Variants in MCTP2 observed in about 807,000 individuals in gnomAD.
MCTP2 encodes multiple C2 and transmembrane domain-containing protein 2.
A neutral mutation model predicts 111.6 loss-of-function variants in MCTP2; 132 were observed. The observed-to-expected ratio is 1.18, with a 90% CI of 1.03 to 1.37. The LOEUF (loss-of-function observed/expected upper bound fraction) is 1.37, where lower values mean the gene tolerates loss of function less well. Ranked by LOEUF, MCTP2 falls within the 40% of genes most tolerant of loss-of-function variation. The pLI, the probability that MCTP2 is intolerant of heterozygous loss-of-function variation, is 0.00. For missense variants in MCTP2, 1,183 were observed against 1,067.9 expected (o/e 1.11, Z -1.50); for synonymous variants, 395 against 387.7 (o/e 1.02, Z -0.22).
chr15:94,278,078 G>A (rs1345133135), intron 1 of MCTP2: 2 of 152,098 alleles, frequency 1.3e-5, no homozygotes, highest in East Asian at 3.8e-4. Context: ...ATATCATGAA[G>A]CTGTCAAATG....
chr15:94,350,342 CT>C (rs2078237283), intron 8 of MCTP2, among the ~76,000 whole-genome samples: 1 of 152,154 alleles, frequency 6.6e-6, no homozygotes, highest in African/African-American at 2.4e-5. Flanking sequence ...AATCCCAGCA[CT>C]TTGGGAGGCC....
chr15:94,474,820 G>T (rs1278842244), intron 21 of MCTP2, among the ~76,000 whole-genome samples: 1 of 151,894 alleles, frequency 6.6e-6, no homozygotes, highest in Non-Finnish European at 1.5e-5. Flanking sequence ...GTGTGCATTT[G>T]AAACATGCAA....
chr15:94,255,379 G>C (rs1455759), intron 1 of MCTP2, among the ~76,000 whole-genome samples: 64,608 of 152,034 alleles, frequency 0.42, 14,070 homozygotes, highest in Middle Eastern at 0.57. Context: ...TCTAGAGAGA[G>C]GGTTTTATTC....
intron 17 of MCTP2, among the ~76,000 whole-genome samples, chr15:94,403,764 G>A (rs146940094): frequency 1.3e-5 from 2 of 152,144 alleles, no homozygotes; most frequent in East Asian, 1.9e-4. Context: ...AGCAGAGCCC[G>A]CCCCCACGCT....
intron 12 of MCTP2, among the ~76,000 whole-genome samples, chr15:94,375,866 C>A (rs987724880): frequency 7.9e-5 from 12 of 152,194 alleles, no homozygotes; most frequent in African/African-American, 2.7e-4. Flanking sequence ...CATTTAATTA[C>A]AGAACCACTG....
At chr15:94,430,401 A>T (rs1017599788) in intron 17 of MCTP2, among the ~76,000 whole-genome samples, 12 of 118,828 alleles carry the variant, frequency 1.0e-4, no homozygotes, top group South Asian at 5.5e-4. Flanking sequence ...AATCACACAC[A>T]CACACACACA....
At chr15:94,270,503 G>C (rs980061157) in intron 1 of MCTP2, among the ~76,000 whole-genome samples, 2 of 152,080 alleles carry the variant, frequency 1.3e-5, no homozygotes, top group African/African-American at 2.4e-5. Flanking sequence ...GGCCTACATG[G>C]ACCTGTCCAA....
At chr15:94,311,636 C>G (rs1338983032) in intron 2 of MCTP2, among the ~76,000 whole-genome samples, 1 of 152,118 alleles carries the variant, frequency 6.6e-6, no homozygotes, top group Non-Finnish European at 1.5e-5. Flanking sequence ...TGGTGTGTGA[C>G]AGTTACGGTG....
In MCTP2 at chr15:94,327,206, A is replaced by G. The variant is rs149125716; in HGVS notation, c.637+11569A>G. ...TTCACCTACATTTCTTCTCTTTTCT[A>G]TCTAGTTTTACATTTTTTCATTTAT... is the stretch of plus-strand genomic sequence containing the variant. On this transcript the variant is annotated intron_variant, in intron 4 of 22. Transcript: ENST00000357742. Among the ~76,000 whole-genome samples the G allele has an allele frequency of 1.1e-4, 17 of 152,124 alleles. No individual in the cohort carries two copies. In the East Asian group the frequency reaches 1.5e-3, roughly 14 times the overall value.
chr15:94,297,480 C>T (rs541929864), intron 1 of MCTP2, among the ~76,000 whole-genome samples: 1 of 152,076 alleles, frequency 6.6e-6, no homozygotes. Context: ...ATGTGTTTTG[C>T]TCTAATCACC....
At chr15:94,370,752 G>T (rs930286098) in intron 12 of MCTP2, among the ~76,000 whole-genome samples, 1 of 152,090 alleles carries the variant, frequency 6.6e-6, no homozygotes, top group Non-Finnish European at 1.5e-5. Flanking sequence ...TCTGCTGCAC[G>T]TAGAGTAATC....
intron 2 of MCTP2, among the ~76,000 whole-genome samples, chr15:94,306,103 A>T (rs1001304608): frequency 3.3e-5 from 5 of 152,206 alleles, no homozygotes; most frequent in African/African-American, 9.6e-5. Context: ...TCAGTGCTAG[A>T]TAACCAGTTG....
intron 8 of MCTP2, among the ~76,000 whole-genome samples, chr15:94,347,423 C>T (rs988853710): frequency 6.6e-6 from 1 of 152,098 alleles, no homozygotes; most frequent in African/African-American, 2.4e-5. Flanking sequence ...TCACCTGAAT[C>T]TTTTTCTTAT....
At chr15:94,348,949 T>G (rs995474150) in intron 8 of MCTP2, among the ~76,000 whole-genome samples, 13 of 152,126 alleles carry the variant, frequency 8.5e-5, no homozygotes, top group African/African-American at 2.9e-4. Flanking sequence ...CATTTATCTA[T>G]GTGCTTATTG....
intron 20 of MCTP2, among the ~76,000 whole-genome samples, chr15:94,461,880 G>A (rs2085234461): frequency 6.6e-6 from 1 of 152,150 alleles, no homozygotes; most frequent in Admixed American, 6.5e-5. Flanking sequence ...GGGAATGAGA[G>A]ACAGATGCAT....
intron 1 of MCTP2, among the ~76,000 whole-genome samples, chr15:94,296,873 T>C (rs1370666468): frequency 1.3e-5 from 2 of 152,186 alleles, no homozygotes; most frequent in African/African-American, 4.8e-5. Flanking sequence ...TGGGAGAAGC[T>C]CTTGTCATGC....
intron 4 of MCTP2, among the ~76,000 whole-genome samples, chr15:94,330,474 C>G (rs1026963353): frequency 6.6e-6 from 1 of 152,032 alleles, no homozygotes; most frequent in Non-Finnish European, 1.5e-5. Context: ...AGATTCTAAG[C>G]AACTGTATTC....
intron 3 of MCTP2, among the ~76,000 whole-genome samples, chr15:94,315,081 G>T (rs986328376): frequency 6.6e-6 from 1 of 152,138 alleles, no homozygotes; most frequent in Non-Finnish European, 1.5e-5. Context: ...AGGTGATGGG[G>T]GTTGGTGGGA....
At chr15:94,320,177 C>G (rs1367252387) in intron 4 of MCTP2, among the ~76,000 whole-genome samples, 2 of 137,836 alleles carry the variant, frequency 1.5e-5, no homozygotes, top group Non-Finnish European at 3.0e-5. Flanking sequence ...GAGTCTCGCT[C>G]TGTCGCCCAG....
Sources: gnomAD v4.1 joint callset for allele counts (sites outside exome capture counted in the v4.1 genomes callset) on GRCh38, gnomAD v4.1.1 for gene constraint, MANE v1.5 for transcripts, NCBI Gene and HGNC (gene_info 2026-07-23, HGNC 2026-07-21) for gene names.